PRKN: variants seen among roughly 807,000 people sequenced by gnomAD.
PRKN encodes the protein E3 ubiquitin-protein ligase parkin.
Under a neutral mutation model 59.5 loss-of-function variants are expected in PRKN, and 56 were observed. The observed-to-expected ratio is 0.94, with a 90% CI of 0.76 to 1.18. The LOEUF is 1.18. PRKN is among the 50% of genes most tolerant of loss of function. PRKN has a pLI of 0.00. For missense variants in PRKN, 657 were observed against 596.4 expected, an observed-to-expected ratio of 1.10 and a Z score of -1.06; for synonymous variants, 250 against 222.1, an observed-to-expected ratio of 1.13 and a Z score of -1.12.
chr6:162,490,065 G>C (rs1792733363), intron 1 of PRKN, among the ~76,000 whole-genome samples: 1 of 152,164 alleles, frequency 6.6e-6, no homozygotes, highest in African/African-American at 2.4e-5. Context: ...TAGTGACAGT[G>C]ACAGCATACT....
Position 161,352,771 on chromosome 6 carries a change from A to ATATATATATATATATATG in PRKN, c.1286-2561_1286-2560insCATATATATATATATATA, listed in dbSNP as rs34279714. ...TGTGTGTGTGTATATATATATATAT[A>ATATATATATATATATATG]TTTTATTTTATTTTATTTTATTTTT... On this transcript the variant is annotated intron_variant, in intron 11 of 11. Transcript: ENST00000366898. This position sits in a 1 kb window ranked among gnomAD's most constrained non-coding sequence, Gnocchi z 5.8. 8.6e-6 allele frequency among the ~76,000 whole-genome samples: 1 copy of ATATATATATATATATATG among 116,900 alleles called. No homozygotes were observed. Among genetic ancestry groups the ATATATATATATATATATG allele is most frequent in the African/African-American group, 2.9e-5 (1 of 34,428 alleles). The allele number at this position is 116,900 out of a possible 152,430, so 76.7% of individuals were successfully genotyped here.
chr6:162,164,530 T>A (rs1458206012), intron 4 of PRKN, among the ~76,000 whole-genome samples: 1 of 148,972 alleles, frequency 6.7e-6, no homozygotes, highest in African/African-American at 2.5e-5. Flanking sequence ...GGACTTTTTG[T>A]GTGTAGAGTG....
intron 3 of PRKN, among the ~76,000 whole-genome samples, chr6:162,230,896 T>G (rs1336552754): frequency 6.6e-6 from 1 of 152,202 alleles, no homozygotes; most frequent in African/African-American, 2.4e-5. Flanking sequence ...CTGTTGTAGC[T>G]TTCTGATCTT....
chr6:162,391,443 C>T (rs1317017657), intron 2 of PRKN, among the ~76,000 whole-genome samples: 1 of 150,752 alleles, frequency 6.6e-6, no homozygotes, highest in Non-Finnish European at 1.5e-5. Flanking sequence ...TTTCTTACTG[C>T]GCATGCTTGA....
intron 4 of PRKN, among the ~76,000 whole-genome samples, chr6:162,178,982 C>A (rs1249206082): frequency 1.3e-5 from 2 of 152,264 alleles, no homozygotes; most frequent in African/African-American, 4.8e-5. Flanking sequence ...AGCGATCCTC[C>A]CACCTTTGCC....
Position 161,397,178 on chromosome 6 carries a change from C to T in PRKN, c.1084-10301G>A, listed in dbSNP as rs1375218997. Reference sequence around the variant, plus strand: ...GGGATAGGATTTGTATCTTATTCATCTTTGTCTTCCCAAGATCCAGGTGCT... The same window carrying T: ...GGGATAGGATTTGTATCTTATTCATTTTTGTCTTCCCAAGATCCAGGTGCT... On this transcript the variant is annotated intron_variant, in intron 9 of 11. Transcript: ENST00000366898. The surrounding 1 kb of genome is among the most constrained non-coding windows in gnomAD (Gnocchi z 4.2). 1.3e-5 allele frequency among the ~76,000 whole-genome samples: 2 copies of T among 152,182 alleles called. No homozygotes were observed. Among genetic ancestry groups the T allele is most frequent in the Non-Finnish European group, 2.9e-5 (2 of 68,036 alleles).
intron 2 of PRKN, among the ~76,000 whole-genome samples, chr6:162,314,418 T>C (rs1782660109): frequency 6.6e-6 from 1 of 152,176 alleles, no homozygotes; most frequent in South Asian, 2.1e-4. Context: ...TTTATCCTTT[T>C]GATATTCTTC....
intron 7 of PRKN, among the ~76,000 whole-genome samples, chr6:161,759,779 C>T (rs1374014822): frequency 2.6e-5 from 4 of 152,138 alleles, no homozygotes; most frequent in African/African-American, 9.7e-5. Flanking sequence ...CACCACATTG[C>T]AGAGTATATA....
intron 4 of PRKN, among the ~76,000 whole-genome samples, chr6:162,131,610 A>T (rs760043962): frequency 1.3e-5 from 2 of 152,212 alleles, no homozygotes; most frequent in Non-Finnish European, 2.9e-5. Flanking sequence ...AGATTCTGCA[A>T]TCCCTTGAGC....
At chr6:162,127,278 A>G (rs1304441867) in intron 4 of PRKN, among the ~76,000 whole-genome samples, 1 of 152,238 alleles carries the variant, frequency 6.6e-6, no homozygotes, top group East Asian at 1.9e-4. Context: ...CCCAGACACA[A>G]CATGAAAAGC....
rs76893984 is a variant in PRKN, at chr6:162,696,912, A to G, written c.7+30750T>C. Among the ~76,000 whole-genome samples the G allele has an allele frequency of 8.5e-3, 1,287 of 152,290 alleles. 19 individuals are homozygous for G. Among genetic ancestry groups the G allele is most frequent in the African/African-American group, 0.029 (1,220 of 41,566 alleles). On this transcript the variant is annotated intron_variant, in intron 1 of 11. Coordinates refer to ENST00000366898, the MANE Select transcript of PRKN (RefSeq NM_004562.3). The stretch of plus-strand genomic sequence containing the variant: ...GGTTACATTACTCATCCATAAATAC[A>G]TCAGCATGTATCTCCAAAAAAGTAA...
At chr6:162,107,110 T>C (rs1177659372) in intron 4 of PRKN, among the ~76,000 whole-genome samples, 1 of 152,098 alleles carries the variant, frequency 6.6e-6, no homozygotes, top group African/African-American at 2.4e-5. Context: ...ATTTAAACAG[T>C]TTCTCACAAC....
At chr6:161,535,011 T>C (rs1032461233) in intron 9 of PRKN, among the ~76,000 whole-genome samples, 1 of 152,222 alleles carries the variant, frequency 6.6e-6, no homozygotes, top group Non-Finnish European at 1.5e-5. Context: ...AATTTGTAAC[T>C]CCAAAAGCTT....
chr6:161,863,098 G>T (rs1296034703), intron 6 of PRKN, among the ~76,000 whole-genome samples: 1 of 152,156 alleles, frequency 6.6e-6, no homozygotes, highest in Non-Finnish European at 1.5e-5. Flanking sequence ...TGAAAGAGAG[G>T]CTTGAGATTA....
intron 1 of PRKN, among the ~76,000 whole-genome samples, chr6:162,489,632 A>C (rs903121552): frequency 5.9e-5 from 9 of 152,176 alleles, no homozygotes; most frequent in African/African-American, 2.2e-4. Context: ...ATTTCAAAGG[A>C]GTTATAAGTA....
rs556671259 is a variant in PRKN at position 161,473,206 on chromosome 6, T to G, written c.1083+75648A>C. On this transcript the variant is annotated intron_variant, in intron 9 of 11. Coordinates refer to ENST00000366898, the MANE Select transcript of PRKN (RefSeq NM_004562.3). This position sits in a 1 kb window ranked among gnomAD's most constrained non-coding sequence, Gnocchi z 4.1. ...CACAGAGCTGCCTTCTTATGTTCACTGTGGCATTATTTACAATAGCAAGAT... is the reference window on the plus strand; with the variant it reads ...CACAGAGCTGCCTTCTTATGTTCACGGTGGCATTATTTACAATAGCAAGAT... 1.3e-5 allele frequency among the ~76,000 whole-genome samples: 2 copies of G among 152,284 alleles called. No individual in the cohort carries two copies. Among genetic ancestry groups the G allele is most frequent in the Admixed American group, 6.5e-5 (1 of 15,288 alleles).
At position 161,414,529 on chromosome 6, in the gene PRKN, A is replaced by G. The variant is rs1054642879; in HGVS notation, c.1084-27652T>C. Reference sequence around the variant, plus strand: ...AGAGTGCTAAAATCTTATTTAGAGGAGTCGTGGTAGAATTATTTATTCACT... The same window carrying G: ...AGAGTGCTAAAATCTTATTTAGAGGGGTCGTGGTAGAATTATTTATTCACT... On this transcript the variant is annotated intron_variant, in intron 9 of 11. Transcript: ENST00000366898. The surrounding 1 kb of genome is among the most constrained non-coding windows in gnomAD (Gnocchi z 5.3). Among the ~76,000 whole-genome samples the G allele has an allele frequency of 6.6e-6, 1 of 152,216 alleles. No individual in the cohort carries two copies. Among genetic ancestry groups the G allele is most frequent in the South Asian group, 2.1e-4 (1 of 4,832 alleles).
intron 1 of PRKN, among the ~76,000 whole-genome samples, chr6:162,678,627 C>G (rs1237166237): frequency 6.6e-6 from 1 of 152,090 alleles, no homozygotes; most frequent in African/African-American, 2.4e-5. Context: ...GATCTATTGT[C>G]TATGTTTTAT....
intron 2 of PRKN, 59 bp from the exon 3 acceptor site, chr6:162,262,824 G>A: frequency 6.3e-7 from 1 of 1,585,402 alleles, no homozygotes. Flanking sequence ...AACATGAAAT[G>A]CGAGATAGAG....
Sources: allele counts gnomAD v4.1 joint callset (sites outside exome capture counted in the v4.1 genomes callset), GRCh38; gene constraint gnomAD v4.1.1; non-coding constraint Gnocchi (gnomAD v3.1); transcripts MANE v1.5; gene names NCBI Gene and HGNC (gene_info 2026-07-23, HGNC 2026-07-21).